SYNE2: variants seen among roughly 807,000 people sequenced by gnomAD.
SYNE2 encodes the protein nesprin-2.
SYNE2 carries 431 observed loss-of-function variants against 856.3 expected under a neutral mutation model. The observed-to-expected ratio is 0.50, with a 90% CI of 0.47 to 0.55. The LOEUF is 0.55. SYNE2 is among the 20% of genes least tolerant of loss of function. The pLI, the probability that SYNE2 is intolerant of heterozygous loss-of-function variation, is 0.00. For synonymous variants in SYNE2, 2,923 were observed against 2,872.3 expected (o/e 1.02, Z -0.56); for missense variants, 8,129 against 8,023.2 (o/e 1.01, Z -0.50).
Position 63,948,459 on chromosome 14 carries a change from C to T in SYNE2, c.409-1366C>T, listed in dbSNP as rs59822667. On this transcript the variant is annotated intron_variant, in intron 6 of 115. Transcript: ENST00000555002. ...CAGGCAGATCACAAGGTGAGGAGTTCGAGACCAACCTGACCGACATGGTGG... is the reference window on the plus strand; with the variant it reads ...CAGGCAGATCACAAGGTGAGGAGTTTGAGACCAACCTGACCGACATGGTGG... Among the ~76,000 whole-genome samples, 1,111 of 151,662 alleles carry T rather than the reference C, an allele frequency of 7.3e-3. 20 individuals carry two copies. Among genetic ancestry groups the T allele is most frequent in the African/African-American group, 0.022 (921 of 41,362 alleles).
At chr14:64,014,425 T>TTTTG (rs991757283) in intron 32 of SYNE2, among the ~76,000 whole-genome samples, 8 of 152,150 alleles carry the variant, frequency 5.3e-5, no homozygotes, top group Admixed American at 1.3e-4. Flanking sequence ...CATGGGTTTT[T>TTTTG]TTTGTTTGTT....
Position 64,159,448 on chromosome 14 carries a change from C to T in SYNE2, c.16094+6C>T. ...TGCCAAAATACTCATAAAAGGTATGCTTTCAGATATAATTTGAATGATAGA... is the reference window on the plus strand; with the variant it reads ...TGCCAAAATACTCATAAAAGGTATGTTTTCAGATATAATTTGAATGATAGA... On this transcript the variant is annotated splice_donor_region_variant and intron_variant, in intron 87 of 115. Transcript: ENST00000555002. 1 of 1,613,124 alleles carries T rather than the reference C, an allele frequency of 6.2e-7. No individual in the cohort carries two copies. The highest frequency in any genetic ancestry group is 8.5e-7 in the Non-Finnish European group (1 of 1,179,498).
intron 90 of SYNE2, chr14:64,166,890 G>A: frequency 3.0e-6 from 1 of 327,998 alleles, no homozygotes; most frequent in South Asian, 2.6e-5. Flanking sequence ...CCGAGATCAT[G>A]ATACTGCAGT....
chr14:64,143,340 A>G (rs1363903346), intron 82 of SYNE2, among the ~76,000 whole-genome samples: 1 of 152,206 alleles, frequency 6.6e-6, no homozygotes, highest in Non-Finnish European at 1.5e-5. Context: ...AAGCTGCCTA[A>G]ATGACAGAGT....
Position 63,954,878 on chromosome 14 carries a change from A to C in SYNE2, c.750A>C (p.Glu250Asp). 1 of 1,613,848 alleles carries C rather than the reference A, an allele frequency of 6.2e-7. No homozygotes were observed. The highest frequency in any genetic ancestry group is 8.5e-7 in the Non-Finnish European group (1 of 1,179,960). The change falls in exon 8 of 116, where the codon GAA becomes GAC. Residue 250 changes from glutamate (E) to aspartate (D), a missense_variant. Glu to Asp is a conservative substitution (Grantham distance 45, BLOSUM62 2). Around this residue, in one of 3 missense-constraint regions of SYNE2, gnomAD observed 2,422 missense variants for 2,357.4 expected, o/e 1.03. Transcript: ENST00000555002. ...DNLREAFRIA[E>D]QELKIPRLLE... ...TGAGAGAGGCCTTCAGAATTGCAGA[A>C]CAAGAATTAAAAATCCCCAGATTGC...
At chr14:64,065,368 T>A (rs577668798) in intron 50 of SYNE2, 64 bp from the exon 51 acceptor site, 440 of 1,358,304 alleles carry the variant, frequency 3.2e-4, no homozygotes, top group Middle Eastern at 5.7e-4. Flanking sequence ...TTTAAAAGAG[T>A]TAGTAAGTTT....
intron 11 of SYNE2, among the ~76,000 whole-genome samples, chr14:63,968,382 T>C (rs564194356): frequency 1.3e-5 from 2 of 152,300 alleles, no homozygotes; most frequent in Non-Finnish European, 2.9e-5. Context: ...TATCCAAGCT[T>C]GATATATTTG....
At chr14:63,768,835 A>T (rs1460122855) in intron 1 of SYNE2, among the ~76,000 whole-genome samples, 1 of 152,020 alleles carries the variant, frequency 6.6e-6, no homozygotes, top group East Asian at 1.9e-4. Context: ...CCAGGACAAG[A>T]CTGTGATCAC....
chr14:63,828,256 AT>A (rs1206589878), intron 1 of SYNE2, among the ~76,000 whole-genome samples: 3 of 152,240 alleles, frequency 2.0e-5, no homozygotes, highest in South Asian at 4.1e-4. Flanking sequence ...ACAATAAAAA[AT>A]AATACAAATT....
chr14:64,012,335 T>A (rs960883684), intron 32 of SYNE2, among the ~76,000 whole-genome samples: 1 of 152,226 alleles, frequency 6.6e-6, no homozygotes, highest in African/African-American at 2.4e-5. Flanking sequence ...TCTTATCCTC[T>A]ATTCTCTGTG....
At position 64,088,010 on chromosome 14, in the gene SYNE2, C is replaced by A. The variant is rs141832355; in HGVS notation, c.11670+154C>A. On this transcript the variant is annotated intron_variant, in intron 58 of 115. Transcript: ENST00000555002. Reference sequence around the variant, plus strand: ...CAAGCCTGGCCAACATGGTGAAACCCTGTCTCTACTAAAAATACAAAATTT... The same window carrying A: ...CAAGCCTGGCCAACATGGTGAAACCATGTCTCTACTAAAAATACAAAATTT... 1.0e-3 allele frequency among the ~76,000 whole-genome samples: 155 copies of A among 152,256 alleles called. 2 individuals are homozygous for A. In the East Asian group the frequency reaches 0.015, roughly 15 times the overall value.
chr14:63,779,024 G>T (rs1366916938), intron 1 of SYNE2, among the ~76,000 whole-genome samples: 1 of 152,004 alleles, frequency 6.6e-6, no homozygotes, highest in Non-Finnish European at 1.5e-5. Context: ...AAGAAAGAAA[G>T]AAATTAATCA....
rs1251400782 is a variant in SYNE2, at chr14:64,031,321, A to G, written c.7185A>G (p.Ala2395=). Residue 2395 remains alanine, a synonymous_variant, in exon 45 of 116, where the codon GCA becomes GCG. Transcript: ENST00000555002. ...DVQESTQESA[A]VEKLEEDWEI... ...AGGAGTCTACTCAGGAATCAGCTGC[A>G]GTGGAAAAGTTGGAGGAAGACTGGG... The G allele has an allele frequency of 6.2e-6, 10 of 1,614,158 alleles. No individual in the cohort carries two copies. In the East Asian group the frequency reaches 2.0e-4, roughly 32 times the overall value.
intron 80 of SYNE2, 53 bp from the exon 81 acceptor site, chr14:64,141,284 TCTTA>T: frequency 7.0e-7 from 1 of 1,435,970 alleles, no homozygotes; most frequent in Admixed American, 1.8e-5. Flanking sequence ...TTATTCCGAC[TCTTA>T]CTTTCTGCTA....
intron 52 of SYNE2, among the ~76,000 whole-genome samples, chr14:64,072,388 A>C (rs1243367393): frequency 6.6e-6 from 1 of 152,172 alleles, no homozygotes; most frequent in Non-Finnish European, 1.5e-5. Context: ...CATTTCTCAC[A>C]CTATCCACCC....
intron 85 of SYNE2, among the ~76,000 whole-genome samples, chr14:64,156,831 G>A (rs1343829340): frequency 1.3e-5 from 2 of 152,186 alleles, no homozygotes; most frequent in African/African-American, 4.8e-5. Context: ...AAGACATTCA[G>A]TCCACATAGT....
intron 59 of SYNE2, among the ~76,000 whole-genome samples, chr14:64,090,032 C>G (rs2097595963): frequency 6.6e-6 from 1 of 152,174 alleles, no homozygotes; most frequent in Non-Finnish European, 1.5e-5. Flanking sequence ...CTTTCATATC[C>G]GTGCACTGGT....
intron 34 of SYNE2, among the ~76,000 whole-genome samples, chr14:64,018,102 G>T (rs144156674): frequency 2.0e-5 from 3 of 152,102 alleles, no homozygotes; most frequent in East Asian, 1.9e-4. Flanking sequence ...TTGCTATTAC[G>T]CAAGGGGTCT....
At chr14:63,886,038 T>C (rs1401233094) in intron 1 of SYNE2, among the ~76,000 whole-genome samples, 1 of 152,208 alleles carries the variant, frequency 6.6e-6, no homozygotes, top group Non-Finnish European at 1.5e-5. Flanking sequence ...ATCTTGTTGT[T>C]TTATAGTAGA....
Sources: gnomAD v4.1 joint callset for allele counts (sites outside exome capture counted in the v4.1 genomes callset) on GRCh38, gnomAD v4.1.1 for gene constraint, gnomAD v4.1.1 regional missense constraint, MANE v1.5 for transcripts, NCBI Gene and HGNC (gene_info 2026-07-23, HGNC 2026-07-21) for gene names.